Variants in SLC16A10 observed in about 807,000 individuals in gnomAD.
SLC16A10 encodes monocarboxylate transporter 10.
In SLC16A10, 27 loss-of-function variants were observed where a neutral mutation model predicts 40.0. The observed-to-expected ratio is 0.67, with a 90% CI of 0.50 to 0.93. SLC16A10 has a LOEUF of 0.93. SLC16A10 is among the 40% of genes least tolerant of loss of function. The pLI is 0.00. For missense variants in SLC16A10, 529 were observed against 658.2 expected (o/e 0.80, Z 2.15); for synonymous variants, 213 against 249.8 (o/e 0.85, Z 1.39).
intron 1 of SLC16A10, among the ~76,000 whole-genome samples, chr6:111,090,060 A>G (rs138163648): frequency 3.7e-4 from 56 of 151,464 alleles, no homozygotes; most frequent in Non-Finnish European, 6.9e-4. Flanking sequence ...TGGCTACACA[A>G]TATCCCAATA....
intron 3 of SLC16A10, among the ~76,000 whole-genome samples, chr6:111,191,310 G>A (rs1772987470): frequency 6.6e-6 from 1 of 152,034 alleles, no homozygotes; most frequent in Non-Finnish European, 1.5e-5. Flanking sequence ...GAGAATGATG[G>A]TTTCCAGCTT....
chr6:111,105,521 G>A (rs746564582), intron 1 of SLC16A10, among the ~76,000 whole-genome samples: 1 of 152,174 alleles, frequency 6.6e-6, no homozygotes, highest in Non-Finnish European at 1.5e-5. Flanking sequence ...TGTTAGGGGA[G>A]GAGGTGTCAT....
Position 111,168,845 on chromosome 6 carries a change from T to C in SLC16A10, c.344-3850T>C, listed in dbSNP as rs755114496. Among the ~76,000 whole-genome samples, 8 of 152,134 alleles carry C rather than the reference T, an allele frequency of 5.3e-5. No homozygotes were observed. In the South Asian group the frequency reaches 1.4e-3, roughly 28 times the overall value. ...AGGCTCTAAAACCCATTAAGAAGGATACTATGGGTCAGGAATAGCATTTTA... is the reference window on the plus strand; with the variant it reads ...AGGCTCTAAAACCCATTAAGAAGGACACTATGGGTCAGGAATAGCATTTTA... On this transcript the variant is annotated intron_variant, in intron 1 of 5. Coordinates refer to ENST00000368851, the MANE Select transcript of SLC16A10 (RefSeq NM_018593.5).
chr6:111,088,330 C>T (rs927044577), intron 1 of SLC16A10, among the ~76,000 whole-genome samples: 1 of 152,206 alleles, frequency 6.6e-6, no homozygotes, highest in African/African-American at 2.4e-5. Flanking sequence ...AAGCAGGTCG[C>T]AGAACTTACT....
intron 1 of SLC16A10, among the ~76,000 whole-genome samples, chr6:111,116,715 AG>A (rs1771493397): frequency 6.6e-6 from 1 of 152,228 alleles, no homozygotes; most frequent in Non-Finnish European, 1.5e-5. Context: ...GGAGAGATCA[AG>A]GGAATATAGA....
intron 1 of SLC16A10, among the ~76,000 whole-genome samples, chr6:111,128,811 T>C (rs1583317507): frequency 6.6e-6 from 1 of 152,012 alleles, no homozygotes; most frequent in East Asian, 1.9e-4. Flanking sequence ...TCAAGAAAAA[T>C]CTTTACCCCA....
chr6:111,147,480 G>A (rs1269934754), intron 1 of SLC16A10, among the ~76,000 whole-genome samples: 2 of 152,152 alleles, frequency 1.3e-5, no homozygotes, highest in African/African-American at 4.8e-5. Context: ...ACTGCAAAAT[G>A]TTTTCGTGTA....
At chr6:111,133,067 A>G (rs1427258375) in intron 1 of SLC16A10, among the ~76,000 whole-genome samples, 2 of 152,200 alleles carry the variant, frequency 1.3e-5, no homozygotes, top group Admixed American at 6.5e-5. Flanking sequence ...CTGGGTTGTT[A>G]TGAAATACTC....
intron 3 of SLC16A10, among the ~76,000 whole-genome samples, chr6:111,201,303 G>T (rs545055108): frequency 1.3e-5 from 2 of 152,258 alleles, no homozygotes; most frequent in South Asian, 4.2e-4. Context: ...CTACTGGGTG[G>T]GGGTAGAGGG....
chr6:111,169,218 C>T (rs1447555659), intron 1 of SLC16A10, among the ~76,000 whole-genome samples: 9 of 152,114 alleles, frequency 5.9e-5, no homozygotes, highest in African/African-American at 1.4e-4. Context: ...GTGGGCCTAG[C>T]GGAGGAGAAG....
intron 1 of SLC16A10, among the ~76,000 whole-genome samples, chr6:111,122,616 C>T (rs765501181): frequency 6.6e-6 from 1 of 152,120 alleles, no homozygotes; most frequent in African/African-American, 2.4e-5. Context: ...TTGTTCTTAT[C>T]GGGTTCTTAT....
intron 1 of SLC16A10, among the ~76,000 whole-genome samples, chr6:111,089,678 GC>G (rs1331018876): frequency 6.6e-6 from 1 of 152,070 alleles, no homozygotes; most frequent in Non-Finnish European, 1.5e-5. Flanking sequence ...ATATATAATA[GC>G]AAACAAAAAT....
At chr6:111,113,464 G>GT (rs1041312507) in intron 1 of SLC16A10, among the ~76,000 whole-genome samples, 38 of 152,062 alleles carry the variant, frequency 2.5e-4, no homozygotes, top group African/African-American at 8.4e-4. Flanking sequence ...GAGCTCTGGG[G>GT]TTTTTTTTGT....
chr6:111,166,063 G>A (rs1772467859), intron 1 of SLC16A10, among the ~76,000 whole-genome samples: 1 of 152,112 alleles, frequency 6.6e-6, no homozygotes, highest in African/African-American at 2.4e-5. Context: ...GTTCTATCCT[G>A]TCTTACTCCT....
intron 1 of SLC16A10, among the ~76,000 whole-genome samples, chr6:111,118,783 G>A (rs1771534471): frequency 6.9e-6 from 1 of 145,888 alleles, no homozygotes; most frequent in African/African-American, 2.5e-5. Context: ...TTGAGAATAG[G>A]TATCGCCACC....
intron 4 of SLC16A10, among the ~76,000 whole-genome samples, chr6:111,215,076 G>A (rs534432662): frequency 5.3e-4 from 81 of 151,836 alleles, no homozygotes; most frequent in African/African-American, 1.8e-3. Context: ...TCGAGATCGC[G>A]CCACTGCACT....
chr6:111,193,764 A>G (rs946489014), intron 3 of SLC16A10, among the ~76,000 whole-genome samples: 2 of 152,256 alleles, frequency 1.3e-5, no homozygotes, highest in Non-Finnish European at 2.9e-5. Context: ...TAAAATATTT[A>G]TAATTTGTGA....
Position 111,087,948 on chromosome 6 carries a change from G to A in SLC16A10, c.196G>A (p.Glu66Lys). ...AEPHEPPEPPEGGWGWLVMLA... is the reference protein window; with the variant it reads ...AEPHEPPEPPKGGWGWLVMLA... ...GCCCCATGAGCCCCCCGAACCCCCC[G>A]AGGGCGGCTGGGGCTGGCTGGTGAT... is the stretch of plus-strand genomic sequence containing the variant. Residue 66 changes from glutamate to lysine, a missense_variant, in exon 1 of 6, where the codon GAG (glutamate) becomes AAG (lysine). Transcript: ENST00000368851. 1 of 1,610,352 alleles carries A rather than the reference G, an allele frequency of 6.2e-7. No homozygotes were observed. The highest frequency in any genetic ancestry group is 8.5e-7 in the Non-Finnish European group (1 of 1,178,682).
At chr6:111,117,769 A>G (rs1191323834) in intron 1 of SLC16A10, among the ~76,000 whole-genome samples, 1 of 152,226 alleles carries the variant, frequency 6.6e-6, no homozygotes. Context: ...AAAAACTAAT[A>G]GACTGTAAGA....
Sources: gnomAD v4.1 joint callset for allele counts (sites outside exome capture counted in the v4.1 genomes callset) on GRCh38, gnomAD v4.1.1 for gene constraint, MANE v1.5 for transcripts, NCBI Gene and HGNC (gene_info 2026-07-23, HGNC 2026-07-21) for gene names.